Variants in CDH13 observed in about 807,000 individuals in gnomAD.
CDH13 encodes the protein cadherin-13.
In CDH13, 24 loss-of-function variants were observed where a neutral mutation model predicts 63.8. The observed-to-expected ratio is 0.38, with a 90% CI of 0.27 to 0.53. CDH13 has a LOEUF of 0.53. Among genes scored for constraint, CDH13 ranks in the 20% least tolerant of loss-of-function variants. CDH13 has a pLI of 0.85. For missense variants in CDH13, 1,049 were observed against 903.1 expected, an observed-to-expected ratio of 1.16 and a Z score of -2.07; for synonymous variants, 503 against 355.3, an observed-to-expected ratio of 1.42 and a Z score of -4.67.
chr16:82,817,682 G>A (rs906850280), intron 1 of CDH13, among the ~76,000 whole-genome samples: 4 of 152,078 alleles, frequency 2.6e-5, no homozygotes, highest in African/African-American at 7.2e-5. Flanking sequence ...GTGCACACCT[G>A]TAGTCCCAGC....
chr16:82,822,341 G>A (rs549714739), intron 1 of CDH13, among the ~76,000 whole-genome samples: 10 of 152,116 alleles, frequency 6.6e-5, no homozygotes, highest in South Asian at 4.1e-4. Flanking sequence ...GATAATGTTC[G>A]GATATATTTT....
At chr16:83,068,222 C>A (rs964103631) in intron 3 of CDH13, among the ~76,000 whole-genome samples, 3 of 152,192 alleles carry the variant, frequency 2.0e-5, no homozygotes, top group African/African-American at 7.2e-5. Flanking sequence ...AAGTGCCAGA[C>A]ATCATTCTAA....
intron 1 of CDH13, among the ~76,000 whole-genome samples, chr16:82,848,382 G>C (rs373006883): frequency 2.0e-5 from 3 of 152,146 alleles, no homozygotes; most frequent in Admixed American, 6.5e-5. Flanking sequence ...CAATTTGTAG[G>C]ATCAGCTTTC....
At position 83,308,626 on chromosome 16, in the gene CDH13, A is replaced by G. The variant is rs2089932486; in HGVS notation, c.637-36236A>G. Among the ~76,000 whole-genome samples the G allele has an allele frequency of 3.9e-5, 6 of 152,344 alleles. No homozygotes were observed. In the South Asian group the frequency reaches 1.2e-3, roughly 32 times the overall value. On this transcript the variant is annotated intron_variant, in intron 5 of 13. Coordinates refer to ENST00000567109, the MANE Select transcript of CDH13 (RefSeq NM_001257.5). The stretch of plus-strand genomic sequence containing the variant: ...GTGCTGAGCCTGGGTGATTTATGGC[A>G]CAGATCCATGGAAAGAACCTTTCCT...
intron 11 of CDH13, among the ~76,000 whole-genome samples, chr16:83,771,534 C>T (rs560784696): frequency 1.3e-5 from 2 of 152,178 alleles, no homozygotes; most frequent in Non-Finnish European, 2.9e-5. Context: ...GTCCATGAAG[C>T]AAAAGCACCG....
At chr16:83,356,298 T>A (rs999516809) in intron 6 of CDH13, among the ~76,000 whole-genome samples, 4 of 148,370 alleles carry the variant, frequency 2.7e-5, no homozygotes, top group Non-Finnish European at 6.0e-5. Context: ...ACCACCAACC[T>A]TCCTTAGTCA....
At chr16:82,691,172 G>A (rs973581934) in intron 1 of CDH13, among the ~76,000 whole-genome samples, 2 of 152,160 alleles carry the variant, frequency 1.3e-5, no homozygotes, top group East Asian at 1.9e-4. Context: ...AGGGACCCTC[G>A]TGGAGGTGTT....
chr16:82,890,314 G>T (rs2041034480), intron 2 of CDH13, among the ~76,000 whole-genome samples: 1 of 152,186 alleles, frequency 6.6e-6, no homozygotes, highest in Non-Finnish European at 1.5e-5. Flanking sequence ...CAGTGTATAG[G>T]CTGGAAAGAC....
At chr16:82,862,828 C>G (rs923120991) in intron 2 of CDH13, among the ~76,000 whole-genome samples, 5 of 152,204 alleles carry the variant, frequency 3.3e-5, no homozygotes, top group African/African-American at 7.2e-5. Context: ...CTGGGTAACT[C>G]TCCTCCCAGT....
rs1907346875 is a variant in CDH13 at position 82,627,001 on chromosome 16, C to A, written c.-92C>A. On this transcript the variant is annotated 5_prime_UTR_variant, in exon 1 of 14. Coordinates refer to ENST00000567109, the MANE Select transcript of CDH13 (RefSeq NM_001257.5). The stretch of plus-strand genomic sequence containing the variant: ...AAGTTGGCTGGCTGGCGAGGCAGAG[C>A]CTCTCCTCAAAGCCTGGCTCCCACG... The A allele has an allele frequency of 2.8e-6, 4 of 1,430,470 alleles. No individual in the cohort carries two copies. Among genetic ancestry groups the A allele is most frequent in the East Asian group, 2.5e-5 (1 of 40,364 alleles). The allele number at this position is 1,430,470 out of a possible 1,614,324, so 88.6% of individuals were successfully genotyped here.
chr16:83,485,519 G>A (rs1411025709), intron 6 of CDH13, among the ~76,000 whole-genome samples: 9 of 152,060 alleles, frequency 5.9e-5, no homozygotes, highest in Admixed American at 5.2e-4. Context: ...AAAATAACAC[G>A]GCTGCTACAT....
chr16:82,846,906 CAAAAT>C (rs992399352), intron 1 of CDH13, among the ~76,000 whole-genome samples: 22 of 152,054 alleles, frequency 1.4e-4, no homozygotes, highest in African/African-American at 4.8e-4. Context: ...TAAAATAAAA[CAAAAT>C]AAAATAAAAA....
At chr16:82,844,608 G>C (rs1227600297) in intron 1 of CDH13, 1 of 129,288 alleles carries the variant, frequency 7.7e-6, no homozygotes. Flanking sequence ...CTCGGAAAAA[G>C]AAAAAAAAAA....
chr16:83,736,517 G>C (rs1289034827), intron 10 of CDH13, among the ~76,000 whole-genome samples: 1 of 152,110 alleles, frequency 6.6e-6, no homozygotes, highest in South Asian at 2.1e-4. Flanking sequence ...ACAACGAAAT[G>C]ACCCTTACGA....
chr16:82,946,494 C>T (rs1366240205), intron 2 of CDH13, among the ~76,000 whole-genome samples: 1 of 151,994 alleles, frequency 6.6e-6, no homozygotes, highest in African/African-American at 2.4e-5. Context: ...CCAAGGCAGG[C>T]AGATCACTTG....
At chr16:83,652,050 G>T (rs980045820) in intron 8 of CDH13, among the ~76,000 whole-genome samples, 1 of 152,156 alleles carries the variant, frequency 6.6e-6, no homozygotes, top group Non-Finnish European at 1.5e-5. Flanking sequence ...CCAAGGGAAC[G>T]ATTCTCATCC....
At chr16:82,643,083 A>G (rs916800412) in intron 1 of CDH13, among the ~76,000 whole-genome samples, 4 of 152,208 alleles carry the variant, frequency 2.6e-5, no homozygotes, top group African/African-American at 7.2e-5. Context: ...GCTAATGGGT[A>G]TAGAATTGCT....
chr16:83,785,232 C>G lies in CDH13; in HGVS notation c.2134+1760C>G, dbSNP rs551566776. ...TTATAAATAACAGAGATGTATTGCTCATGGTTCTGGAGGCTGAGAAGTCCA... is the reference window on the plus strand; with the variant it reads ...TTATAAATAACAGAGATGTATTGCTGATGGTTCTGGAGGCTGAGAAGTCCA... On this transcript the variant is annotated intron_variant, in intron 13 of 13. Transcript: ENST00000567109. Among the ~76,000 whole-genome samples the G allele has an allele frequency of 2.4e-4, 37 of 152,302 alleles. 1 individual carries two copies. The highest frequency in any genetic ancestry group is 4.4e-4 in the Non-Finnish European group (30 of 68,042).
In CDH13 at chr16:83,334,369, A is replaced by T. The variant is rs1308009359; in HGVS notation, c.637-10493A>T. Among the ~76,000 whole-genome samples the T allele has an allele frequency of 1.3e-3, 158 of 120,184 alleles. 1 individual carries two copies. Among genetic ancestry groups the T allele is most frequent in the African/African-American group, 4.6e-3 (147 of 32,060 alleles). 78.8% of individuals were successfully genotyped at this position (120,184 alleles called of 152,430 possible). On this transcript the variant is annotated intron_variant, in intron 5 of 13. Coordinates refer to ENST00000567109, the MANE Select transcript of CDH13 (RefSeq NM_001257.5). ...CTCTCTCTCTCTCTCTCTCACACAC[A>T]CACACACACACACACACACACACAC...
Sources: allele counts gnomAD v4.1 joint callset (sites outside exome capture counted in the v4.1 genomes callset), GRCh38; gene constraint gnomAD v4.1.1; transcripts MANE v1.5; gene names NCBI Gene and HGNC (gene_info 2026-07-23, HGNC 2026-07-21).